TMEM235: variants seen among roughly 807,000 people sequenced by gnomAD.
TMEM235 encodes transmembrane protein 235, also known as claudin-27.
TMEM235 carries 23 observed loss-of-function variants against 22.9 expected under a neutral mutation model. The ratio of observed to expected loss-of-function variants is 1.00; its 90% confidence interval spans 0.72 to 1.42. The LOEUF (loss-of-function observed/expected upper bound fraction) is 1.42. TMEM235 is among the 40% of genes most tolerant of loss of function. The pLI is 0.00. For synonymous variants in TMEM235, 137 were observed against 140.5 expected, an observed-to-expected ratio of 0.98 and a Z score of 0.17; for missense variants, 308 against 299.5, an observed-to-expected ratio of 1.03 and a Z score of -0.21.
rs1236936091 is a variant in TMEM235 at position 78,236,970 on chromosome 17, C to A, written c.410-2054C>A. Among the ~76,000 whole-genome samples the A allele has an allele frequency of 2.0e-5, 3 of 152,206 alleles. 1 individual carries two copies. Among genetic ancestry groups the A allele is most frequent in the Non-Finnish European group, 4.4e-5 (3 of 68,044 alleles). ...AGTGTTCAAAATCCAATTAAGAGGA[C>A]CTTCGGGAGCCAGCGACTAGAGTGT... On this transcript the variant is annotated intron_variant, in intron 4 of 5. Coordinates refer to ENST00000421688, the Ensembl canonical transcript of TMEM235.
chr17:78,231,896 C>A, exon 2 of TMEM235: 11 of 1,062,824 alleles, frequency 1.0e-5, no homozygotes, highest in Non-Finnish European at 1.3e-5. Context: ...GGAGCGGGGA[C>A]GTGCTCAGAA....
intron 2 of TMEM235, among the ~76,000 whole-genome samples, 199 bp downstream of exon 1, chr17:78,232,412 A>G (rs1371309704): frequency 6.6e-6 from 1 of 152,116 alleles, no homozygotes; most frequent in Non-Finnish European, 1.5e-5. Flanking sequence ...CAAGGGCTAC[A>G]GGAGGGAGGG....
Position 78,234,159 on chromosome 17 carries a change from G to C in TMEM235, c.271+184G>C, listed in dbSNP as rs1049577296. 20 of 705,606 alleles carry C rather than the reference G, an allele frequency of 2.8e-5. No homozygotes were observed. In the African/African-American group the frequency reaches 3.1e-4, roughly 11 times the overall value. 43.7% of individuals were successfully genotyped at this position (705,606 alleles called of 1,614,324 possible). ...CCTAACCACAGGTGCCCAGCTCCCAGCCTATCCTGTTTTCCCCTGTCTCAG... is the reference window on the plus strand; with the variant it reads ...CCTAACCACAGGTGCCCAGCTCCCACCCTATCCTGTTTTCCCCTGTCTCAG... On this transcript the variant is annotated intron_variant, in intron 3 of 5. Coordinates refer to ENST00000421688, the Ensembl canonical transcript of TMEM235.
rs765071858 is a variant in TMEM235 at position 78,234,731 on chromosome 17, G to C, written c.409+1G>C. ...ACCGGCTGCTACTTCCTGCTGGGGA[G>C]TGAGTCTGGGGCCCTGGGGGAATGG... is the stretch of plus-strand genomic sequence containing the variant. On this transcript the variant is annotated splice_donor_variant, in intron 4 of 5. Coordinates refer to ENST00000421688, the Ensembl canonical transcript of TMEM235. LOFTEE classifies it high-confidence loss of function. The C allele has an allele frequency of 6.5e-7, 1 of 1,536,106 alleles. No individual in the cohort carries two copies. Among genetic ancestry groups the C allele is most frequent in the South Asian group, 1.2e-5 (1 of 84,066 alleles).
chr17:78,239,501 G>T (rs2076685354), intron 5 of TMEM235, among the ~76,000 whole-genome samples: 1 of 152,150 alleles, frequency 6.6e-6, no homozygotes, highest in Non-Finnish European at 1.5e-5. Context: ...GGGACTAATT[G>T]GTTCAACCGC....
chr17:78,234,714 C>T (rs1599042720), exon 4 of TMEM235: 1 of 1,536,056 alleles, frequency 6.5e-7, no homozygotes. Flanking sequence ...TCACCGGCTG[C>T]TACTTCCTGC....
chr17:78,233,878 A>G lies in TMEM235; in HGVS notation c.191-17A>G. ...CACAGCGTCCAGGCCCCAGGCTTCGAGGCCTATGTTTCCCAGGGCAGAACG... is the reference window on the plus strand; with the variant it reads ...CACAGCGTCCAGGCCCCAGGCTTCGGGGCCTATGTTTCCCAGGGCAGAACG... On this transcript the variant is annotated splice_polypyrimidine_tract_variant and intron_variant, in intron 2 of 5. Transcript: ENST00000421688. The G allele has an allele frequency of 6.5e-7, 1 of 1,535,478 alleles. No homozygotes were observed. The highest frequency in any genetic ancestry group is 8.7e-7 in the Non-Finnish European group (1 of 1,146,576).
At position 78,238,550 on chromosome 17, in the gene TMEM235, C is replaced by CTGTGTG. The variant is rs55893266; in HGVS notation, c.410-443_410-438dup. Among the ~76,000 whole-genome samples the CTGTGTG allele has an allele frequency of 0.071, 9,813 of 138,176 alleles. 368 individuals carry two copies. The highest frequency in any genetic ancestry group is 0.083 in the Non-Finnish European group (5,292 of 63,788). The allele number at this position is 138,176 out of a possible 152,430, so 90.6% of individuals were successfully genotyped here. The stretch of plus-strand genomic sequence containing the variant: ...GCTGCTGCCAGCAGAGGCCATGGCT[C>CTGTGTG]TGTGTGTGTGTGTGTGTGTGTGTGT... On this transcript the variant is annotated intron_variant, in intron 4 of 5. Transcript: ENST00000421688. The surrounding 1 kb of genome is among the most constrained non-coding windows in gnomAD (Gnocchi z 4.3).
upstream of TMEM235, chr17:78,231,300 C>A (rs1195553885): frequency 5.5e-6 from 5 of 916,894 alleles, no homozygotes; most frequent in African/African-American, 1.8e-5. Context: ...CCCACTGGCA[C>A]CCCACGCCTG....
chr17:78,232,011 G>C (rs1453859872), exon 2 of TMEM235: 16 of 897,698 alleles, frequency 1.8e-5, no homozygotes, highest in East Asian at 1.0e-4. Context: ...GTCCCCTCCC[G>C]CCGGCCGCCC....
At chr17:78,236,476 C>T (rs762909974) in intron 4 of TMEM235, among the ~76,000 whole-genome samples, 18 of 152,158 alleles carry the variant, frequency 1.2e-4, no homozygotes, top group Non-Finnish European at 1.8e-4. Context: ...AGTGCTCCTC[C>T]GAAGGCTCCT....
exon 4 of TMEM235, chr17:78,234,661 G>A (rs1018741513): frequency 2.1e-5 from 32 of 1,536,046 alleles, no homozygotes; most frequent in Non-Finnish European, 2.5e-5. Context: ...CTGGATCTGC[G>A]GCCTGCTCAG....
In TMEM235 at chr17:78,237,635, GT is replaced by G. The variant is rs2076658501; in HGVS notation, c.410-1388del. Among the ~76,000 whole-genome samples, 1 of 151,638 alleles carries G rather than the reference GT, an allele frequency of 6.6e-6. No homozygotes were observed. Among genetic ancestry groups the G allele is most frequent in the Admixed American group, 6.6e-5 (1 of 15,190 alleles). ...GGGCCTTGGGCTGCAGCTGCAGCCA[GT>G]GCTACAGGCAGAGACAGGCAGAGAC... On this transcript the variant is annotated intron_variant, in intron 4 of 5. Coordinates refer to ENST00000421688, the Ensembl canonical transcript of TMEM235. The surrounding 1 kb of genome is among the most constrained non-coding windows in gnomAD (Gnocchi z 4.7).
At chr17:78,232,440 C>T (rs562993729) in intron 2 of TMEM235, among the ~76,000 whole-genome samples, 1 of 152,328 alleles carries the variant, frequency 6.6e-6, no homozygotes, top group South Asian at 2.1e-4. Context: ...TTCGGGGCCC[C>T]TCACAGCCGG....
chr17:78,232,067 C>T (rs1350704183), exon 2 of TMEM235: 3 of 1,393,100 alleles, frequency 2.2e-6, no homozygotes, highest in Non-Finnish European at 2.8e-6. Flanking sequence ...GCCCTGGGTG[C>T]ACTGCTCAGC....
chr17:78,238,347 G>T lies in TMEM235; in HGVS notation c.410-677G>T, dbSNP rs764726810. On this transcript the variant is annotated intron_variant, in intron 4 of 5. Transcript: ENST00000421688. This position sits in a 1 kb window ranked among gnomAD's most constrained non-coding sequence, Gnocchi z 4.3. ...GGAGGGAGGAGAGAGGAGGGCCCAG[G>T]GCAGGCATCCTCCCCTGGGGAAGGG... is the stretch of plus-strand genomic sequence containing the variant. Among the ~76,000 whole-genome samples the T allele has an allele frequency of 6.6e-6, 1 of 152,080 alleles. No individual in the cohort carries two copies. The highest frequency in any genetic ancestry group is 1.5e-5 in the Non-Finnish European group (1 of 67,996).
At chr17:78,239,187 C>A in exon 5 of TMEM235, 1 of 1,543,266 alleles carries the variant, frequency 6.5e-7, no homozygotes. Context: ...AGGCATTCAG[C>A]GGAACCCTCC....
chr17:78,234,078 C>T (rs117222901), intron 3 of TMEM235, 103 bp downstream of exon 2: 50,746 of 1,093,988 alleles, frequency 0.046, 1,377 homozygotes, highest in Non-Finnish European at 0.057. Context: ...TCCACTGCCC[C>T]TGCGTTTCCA....
At chr17:78,231,742 G>T (rs1436652950) in exon 2 of TMEM235, 6 of 1,236,718 alleles carry the variant, frequency 4.9e-6, no homozygotes, top group African/African-American at 4.7e-5. Context: ...CCGTGGGGAC[G>T]CTGGGATTGG....
Sources: allele counts gnomAD v4.1 joint callset (sites outside exome capture counted in the v4.1 genomes callset), GRCh38; gene constraint gnomAD v4.1.1; non-coding constraint Gnocchi (gnomAD v3.1); transcripts MANE v1.5; gene names NCBI Gene and HGNC (gene_info 2026-07-23, HGNC 2026-07-21).